Variants in IMMP1L observed in about 807,000 individuals in gnomAD.
The protein encoded by IMMP1L is inner mitochondrial membrane peptidase subunit 1, also known as mitochondrial inner membrane protease subunit 1.
IMMP1L carries 24 observed loss-of-function variants against 21.8 expected under a neutral mutation model. The observed-to-expected ratio is 1.10, with a 90% CI of 0.80 to 1.55. IMMP1L has a LOEUF of 1.55. Ranked by LOEUF, IMMP1L falls within the 40% of genes most tolerant of loss-of-function variation. IMMP1L has a pLI of 0.00. For missense variants in IMMP1L, 195 were observed against 200.7 expected, an observed-to-expected ratio of 0.97 and a Z score of 0.17; for synonymous variants, 46 against 62.8, an observed-to-expected ratio of 0.73 and a Z score of 1.26.
chr11:31,441,851 A>G (rs1363567511), intron 4 of IMMP1L, among the ~76,000 whole-genome samples: 1 of 152,178 alleles, frequency 6.6e-6, no homozygotes, highest in Non-Finnish European at 1.5e-5. Context: ...TAATAAACAC[A>G]TTTATAGTAA....
At chr11:31,478,369 T>C (rs1221805381) in intron 1 of IMMP1L, among the ~76,000 whole-genome samples, 1 of 152,222 alleles carries the variant, frequency 6.6e-6, no homozygotes, top group Non-Finnish European at 1.5e-5. Context: ...TTTTATTCTG[T>C]GCTTCTATAA....
intron 1 of IMMP1L, among the ~76,000 whole-genome samples, chr11:31,473,093 A>C (rs1954620564): frequency 2.0e-5 from 3 of 152,058 alleles, no homozygotes. Context: ...TCTGTCGCCC[A>C]GGCTGGAGTG....
chr11:31,461,887 CAGTCT>C (rs1591981794), intron 2 of IMMP1L, among the ~76,000 whole-genome samples: 2 of 152,268 alleles, frequency 1.3e-5, no homozygotes, highest in East Asian at 3.9e-4. Context: ...CTAAATCCGA[CAGTCT>C]CCATTTACTC....
intron 4 of IMMP1L, chr11:31,452,072 C>A: frequency 4.9e-6 from 1 of 204,008 alleles, no homozygotes; most frequent in Non-Finnish European, 8.7e-6. Context: ...TGACAAGAAC[C>A]ATCAGTGAAG....
chr11:31,506,733 G>C (rs777761948), intron 1 of IMMP1L, among the ~76,000 whole-genome samples: 31 of 151,252 alleles, frequency 2.0e-4, no homozygotes, highest in Middle Eastern at 3.5e-3. Context: ...AAGCCGAGGC[G>C]GGTGGATCAC....
intron 1 of IMMP1L, among the ~76,000 whole-genome samples, chr11:31,471,006 C>T (rs756559376): frequency 7.2e-5 from 11 of 152,094 alleles, no homozygotes; most frequent in Non-Finnish European, 1.3e-4. Context: ...CTAACAGACG[C>T]AAAATTACAG....
At chr11:31,484,083 T>G (rs373205840) in intron 1 of IMMP1L, among the ~76,000 whole-genome samples, 17 of 152,000 alleles carry the variant, frequency 1.1e-4, no homozygotes, top group African/African-American at 4.1e-4. Flanking sequence ...CTAGGGAAAA[T>G]AGAATAAAAA....
At chr11:31,469,820 T>C (rs1158662349) in intron 1 of IMMP1L, 2 of 151,998 alleles carry the variant, frequency 1.3e-5, no homozygotes, top group Admixed American at 6.6e-5. Flanking sequence ...ATGAGAAAAG[T>C]TTAAAATTGG....
intron 1 of IMMP1L, among the ~76,000 whole-genome samples, chr11:31,476,286 G>A (rs1455689095): frequency 1.3e-5 from 2 of 151,934 alleles, no homozygotes; most frequent in African/African-American, 4.8e-5. Flanking sequence ...TGGAAATATT[G>A]GCAAGCTTTC....
In IMMP1L at chr11:31,432,576, A is replaced by T. The variant is rs759966128; in HGVS notation, c.433-8T>A. On this transcript the variant is annotated splice_region_variant and splice_polypyrimidine_tract_variant and intron_variant, in intron 5 of 5. Transcript: ENST00000532287. ...ATCACTCAGAGGCCAAATCTGTAAAATCAAAATGAGGTTGAAGACAATTAG... is the reference window on the plus strand; with the variant it reads ...ATCACTCAGAGGCCAAATCTGTAAATTCAAAATGAGGTTGAAGACAATTAG... The T allele has an allele frequency of 3.7e-6, 6 of 1,601,580 alleles. No individual in the cohort carries two copies. The Admixed American group carries it at 1.0e-4, about 27-fold the overall frequency.
intron 4 of IMMP1L, among the ~76,000 whole-genome samples, chr11:31,453,774 T>C (rs559016743): frequency 1.3e-5 from 2 of 152,312 alleles, no homozygotes; most frequent in South Asian, 2.1e-4. Context: ...GAACCAATAC[T>C]GCCCCTGATC....
intron 4 of IMMP1L, among the ~76,000 whole-genome samples, chr11:31,435,573 A>G (rs1196643787): frequency 1.3e-5 from 2 of 152,236 alleles, no homozygotes; most frequent in African/African-American, 4.8e-5. Context: ...TTGCCAATAT[A>G]TATGGCAAAA....
chr11:31,436,035 T>C (rs1314509253), intron 4 of IMMP1L, among the ~76,000 whole-genome samples: 1 of 152,190 alleles, frequency 6.6e-6, no homozygotes, highest in Non-Finnish European at 1.5e-5. Flanking sequence ...GTGTGTTTTC[T>C]GATTGAATTT....
chr11:31,463,103 A>C, intron 2 of IMMP1L, 69 bp downstream of exon 2: 1 of 1,278,844 alleles, frequency 7.8e-7, no homozygotes, highest in Non-Finnish European at 1.1e-6. Context: ...CAAAAGGAAA[A>C]ACACACTTTC....
intron 1 of IMMP1L, among the ~76,000 whole-genome samples, chr11:31,472,492 A>G (rs1591999012): frequency 6.6e-6 from 1 of 152,338 alleles, no homozygotes; most frequent in East Asian, 1.9e-4. Flanking sequence ...GTCATTTACT[A>G]CTTTGTGTTG....
At chr11:31,433,775 C>A (rs927510118) in intron 4 of IMMP1L, 2 of 408,176 alleles carry the variant, frequency 4.9e-6, no homozygotes, top group East Asian at 4.0e-5. Context: ...TTTTTAAAAA[C>A]CTATCATCTT....
chr11:31,478,520 A>G (rs1187295118), intron 1 of IMMP1L, among the ~76,000 whole-genome samples: 4 of 152,220 alleles, frequency 2.6e-5, no homozygotes, highest in African/African-American at 9.6e-5. Flanking sequence ...CCAAGAAACT[A>G]GAGGTATTGT....
At chr11:31,445,553 T>G (rs1444341730) in intron 4 of IMMP1L, among the ~76,000 whole-genome samples, 1 of 152,242 alleles carries the variant, frequency 6.6e-6, no homozygotes, top group African/African-American at 2.4e-5. Context: ...TACTTGATGT[T>G]ACTGATGCAT....
At chr11:31,469,008 G>T (rs990797973) in intron 1 of IMMP1L, among the ~76,000 whole-genome samples, 4 of 152,090 alleles carry the variant, frequency 2.6e-5, no homozygotes, top group African/African-American at 9.7e-5. Context: ...ATCCCAGTGT[G>T]TATGAATCTC....
Sources: allele counts gnomAD v4.1 joint callset (sites outside exome capture counted in the v4.1 genomes callset), GRCh38; gene constraint gnomAD v4.1.1; transcripts MANE v1.5; gene names NCBI Gene and HGNC (gene_info 2026-07-23, HGNC 2026-07-21).